Variants in CACNA1E observed in about 807,000 individuals in gnomAD.
CACNA1E encodes calcium voltage-gated channel subunit alpha1 E, also known as voltage-dependent R-type calcium channel subunit alpha-1E.
Under a neutral mutation model 259.2 loss-of-function variants are expected in CACNA1E, and 40 were observed. That is an observed-to-expected ratio of 0.15 (90% CI 0.12 to 0.20). The LOEUF is 0.20. Among genes scored for constraint, CACNA1E ranks in the 10% least tolerant of loss-of-function variants. CACNA1E has a pLI of 1.00. For synonymous variants in CACNA1E, 1,104 were observed against 1,138.5 expected (o/e 0.97, Z 0.61); for missense variants, 1,874 against 3,040.1 (o/e 0.62, Z 9.02).
intron 7 of CACNA1E, among the ~76,000 whole-genome samples, chr1:181,677,669 A>G (rs760957472): frequency 2.0e-5 from 3 of 152,184 alleles, no homozygotes; most frequent in Non-Finnish European, 4.4e-5. Context: ...ACATCTTTTC[A>G]TATGGGTGAT....
chr1:181,319,616 A>G (rs1045798492), intron 1 of CACNA1E, among the ~76,000 whole-genome samples: 1 of 152,224 alleles, frequency 6.6e-6, no homozygotes, highest in Non-Finnish European at 1.5e-5. Flanking sequence ...AGTATAGTGT[A>G]ATCATATCAT....
intron 27 of CACNA1E, among the ~76,000 whole-genome samples, chr1:181,754,225 T>C (rs1657860833): frequency 6.6e-6 from 1 of 152,220 alleles, no homozygotes; most frequent in Admixed American, 6.5e-5. Flanking sequence ...CCTGGCTTAA[T>C]TCTGTTAAAT....
intron 1 of CACNA1E, among the ~76,000 whole-genome samples, chr1:181,393,739 T>A (rs1449495336): frequency 6.6e-6 from 1 of 152,234 alleles, no homozygotes; most frequent in African/African-American, 2.4e-5. Flanking sequence ...ATTACCGGCG[T>A]GTGCCCCCGT....
chr1:181,753,661 C>T (rs770057241), intron 27 of CACNA1E, among the ~76,000 whole-genome samples: 1 of 152,154 alleles, frequency 6.6e-6, no homozygotes, highest in Admixed American at 6.5e-5. Context: ...CTCTTGTGCA[C>T]TTGGCTCTCC....
intron 39 of CACNA1E, among the ~76,000 whole-genome samples, chr1:181,783,310 C>T (rs1226078606): frequency 6.6e-6 from 1 of 152,170 alleles, no homozygotes; most frequent in Non-Finnish European, 1.5e-5. Flanking sequence ...AATGGAGCCA[C>T]CTCCCCGAGC....
chr1:181,771,537 G>T, intron 36 of CACNA1E, 153 bp downstream of exon 36: 2 of 612,576 alleles, frequency 3.3e-6, no homozygotes, highest in South Asian at 4.0e-5. Flanking sequence ...TTGCCAAACT[G>T]CCCCTATAAC....
At chr1:181,414,140 G>T (rs908692556) in intron 2 of CACNA1E, among the ~76,000 whole-genome samples, 4 of 152,134 alleles carry the variant, frequency 2.6e-5, no homozygotes, top group South Asian at 2.1e-4. Context: ...GAGAATTTTG[G>T]CTTTTTCTTC....
At chr1:181,542,451 C>A (rs916862351) in intron 3 of CACNA1E, among the ~76,000 whole-genome samples, 1 of 152,142 alleles carries the variant, frequency 6.6e-6, no homozygotes, top group African/African-American at 2.4e-5. Context: ...GAATTGTAAT[C>A]TCCACAGTCC....
intron 3 of CACNA1E, among the ~76,000 whole-genome samples, chr1:181,555,876 G>A (rs1486800420): frequency 1.3e-5 from 2 of 152,196 alleles, no homozygotes; most frequent in African/African-American, 4.8e-5. Context: ...AAGGCATGCA[G>A]CCTTTCTTAA....
At chr1:181,323,718 C>T (rs1175755027) in intron 1 of CACNA1E, among the ~76,000 whole-genome samples, 1 of 152,126 alleles carries the variant, frequency 6.6e-6, no homozygotes, top group African/African-American at 2.4e-5. Context: ...TTATTTAGTC[C>T]TTGATTGATG....
chr1:181,800,853 G>C lies in CACNA1E; in HGVS notation c.*2019G>C, dbSNP rs116304765. 1 of 152,602 alleles carries C rather than the reference G, an allele frequency of 6.6e-6. No individual in the cohort carries two copies. The highest frequency in any genetic ancestry group is 1.5e-5 in the Non-Finnish European group (1 of 68,062). The allele number at this position is 152,602 out of a possible 1,614,324, so 9.5% of individuals were successfully genotyped here. A position where few individuals can be genotyped will look rare whatever the true frequency, so the allele number is the denominator to read the frequency against. ...ATACTAATGGAGCTTCATGACCCAC[G>C]GTCAGCCCCCAAACCAAAGTTGTCC... On this transcript the variant is annotated 3_prime_UTR_variant, in exon 48 of 48. Transcript: ENST00000367573.
At chr1:181,441,767 G>C (rs954702627) in intron 2 of CACNA1E, among the ~76,000 whole-genome samples, 1 of 152,176 alleles carries the variant, frequency 6.6e-6, no homozygotes, top group East Asian at 1.9e-4. Context: ...GCGGGCAGCT[G>C]TAAGTGTGTT....
chr1:181,724,169 AT>A (rs770525662), intron 16 of CACNA1E, among the ~76,000 whole-genome samples: 5 of 151,964 alleles, frequency 3.3e-5, no homozygotes, highest in Admixed American at 6.6e-5. Flanking sequence ...CCAAATAATA[AT>A]TTTTCACAGT....
In CACNA1E at chr1:181,366,847, G is replaced by A. The variant is rs527565106; in HGVS notation, c.-14-46286G>A. ...CTATCATCCTTTGAAGACCCCTGTGGTGCTTGGCACTTAACCTGTATGATC... is the reference window on the plus strand; with the variant it reads ...CTATCATCCTTTGAAGACCCCTGTGATGCTTGGCACTTAACCTGTATGATC... On this transcript the variant is annotated intron_variant, in intron 1 of 11. Coordinates refer to the CACNA1E transcript ENST00000524607. Among the ~76,000 whole-genome samples the A allele has an allele frequency of 4.6e-5, 7 of 152,328 alleles. No individual in the cohort carries two copies. In the East Asian group the frequency reaches 1.3e-3, roughly 29 times the overall value.
At position 181,610,379 on chromosome 1, in the gene CACNA1E, G is replaced by A. The variant is rs181362069; in HGVS notation, c.951+29603G>A. ...TGGGTAATTGGATGATCTACAGAAC[G>A]TATATGAGGACTTGTTGGGTGATGC... On this transcript the variant is annotated intron_variant, in intron 6 of 47. Coordinates refer to ENST00000367573, the MANE Select transcript of CACNA1E (RefSeq NM_001205293.3). Among the ~76,000 whole-genome samples the A allele has an allele frequency of 2.0e-5, 3 of 152,292 alleles. No homozygotes were observed. In the East Asian group the frequency reaches 5.8e-4, roughly 29 times the overall value.
intron 6 of CACNA1E, among the ~76,000 whole-genome samples, chr1:181,585,940 A>G (rs1652017217): frequency 6.6e-6 from 1 of 152,162 alleles, no homozygotes; most frequent in South Asian, 2.1e-4. Context: ...GGTTTTGAGG[A>G]AAGGAGTGAC....
chr1:181,658,776 A>C (rs971731051), intron 7 of CACNA1E, among the ~76,000 whole-genome samples: 1 of 152,142 alleles, frequency 6.6e-6, no homozygotes, highest in Non-Finnish European at 1.5e-5. Context: ...ATAAATTTTG[A>C]CATTTTAAGG....
Position 181,721,886 on chromosome 1 carries a change from TA to T in CACNA1E, c.2074+13del, listed in dbSNP as rs1387312643. The T allele has an allele frequency of 6.6e-7, 1 of 1,521,808 alleles. No individual in the cohort carries two copies. Among genetic ancestry groups the T allele is most frequent in the African/African-American group, 1.4e-5 (1 of 73,300 alleles). 94.3% of individuals were successfully genotyped at this position (1,521,808 alleles called of 1,614,324 possible). ...CCTTGTTTGGCAACTGTATCCTTTTTAAGATGCACCTCCTCAAGCTGCCTGC... is the reference window on the plus strand; with the variant it reads ...CCTTGTTTGGCAACTGTATCCTTTTTAGATGCACCTCCTCAAGCTGCCTGC... On this transcript the variant is annotated intron_variant, in intron 16 of 47. Transcript: ENST00000367573.
intron 2 of CACNA1E, among the ~76,000 whole-genome samples, chr1:181,418,717 A>G (rs1311855078): frequency 1.3e-5 from 2 of 151,976 alleles, no homozygotes; most frequent in Non-Finnish European, 2.9e-5. Flanking sequence ...AGTCATTTTG[A>G]TTCTCACATT....
Sources: gnomAD v4.1 joint callset for allele counts (sites outside exome capture counted in the v4.1 genomes callset) on GRCh38, gnomAD v4.1.1 for gene constraint, MANE v1.5 for transcripts, NCBI Gene and HGNC (gene_info 2026-07-23, HGNC 2026-07-21) for gene names.